NCAM2: variants seen among roughly 807,000 people sequenced by gnomAD.
NCAM2 encodes the protein neural cell adhesion molecule 2.
NCAM2 carries 30 observed loss-of-function variants against 98.1 expected under a neutral mutation model. The ratio of observed to expected loss-of-function variants is 0.31; its 90% CI spans 0.23 to 0.41. The LOEUF is 0.41. Among genes scored for constraint, NCAM2 ranks in the 10% least tolerant of loss-of-function variants. The pLI is 1.00. For synonymous variants in NCAM2, 368 were observed against 342.4 expected (o/e 1.07, Z -0.83); for missense variants, 867 against 1,005.8 (o/e 0.86, Z 1.87).
chr21:21,528,906 A>C (rs1465997321), intron 16 of NCAM2, among the ~76,000 whole-genome samples: 1 of 152,144 alleles, frequency 6.6e-6, no homozygotes, highest in Admixed American at 6.6e-5. Context: ...ATATAACTTC[A>C]AATATTCCAG....
chr21:21,038,554 G>A (rs184488001), intron 1 of NCAM2, among the ~76,000 whole-genome samples: 1 of 152,224 alleles, frequency 6.6e-6, no homozygotes, highest in East Asian at 1.9e-4. Context: ...TTTATAAGAG[G>A]CCTTAATCCC....
chr21:21,267,841 A>C (rs966172995), intron 1 of NCAM2, among the ~76,000 whole-genome samples: 3 of 152,204 alleles, frequency 2.0e-5, no homozygotes, highest in African/African-American at 7.2e-5. Flanking sequence ...TTATGTAAGA[A>C]AGTCCTAAAG....
intron 9 of NCAM2, among the ~76,000 whole-genome samples, chr21:21,408,313 G>T (rs188792028): frequency 2.1e-3 from 321 of 152,284 alleles, no homozygotes; most frequent in African/African-American, 7.0e-3. Context: ...ATAGGCAAAT[G>T]TATCTGTGTA....
chr21:21,168,289 G>T (rs1210058470), intron 1 of NCAM2, among the ~76,000 whole-genome samples: 1 of 151,768 alleles, frequency 6.6e-6, no homozygotes, highest in Non-Finnish European at 1.5e-5. Context: ...ACAATAGAGG[G>T]TAACTTCATC....
At chr21:21,474,421 C>G (rs1324271532) in intron 14 of NCAM2, among the ~76,000 whole-genome samples, 1 of 151,922 alleles carries the variant, frequency 6.6e-6, no homozygotes, top group Non-Finnish European at 1.5e-5. Context: ...GAAGTTTCAC[C>G]TTAAATGTCT....
intron 1 of NCAM2, among the ~76,000 whole-genome samples, chr21:21,166,747 C>G (rs953012110): frequency 6.6e-6 from 1 of 152,118 alleles, no homozygotes; most frequent in Non-Finnish European, 1.5e-5. Flanking sequence ...CACATTGTTA[C>G]GCAGAATGAT....
chr21:21,396,138 C>T (rs1208078225), intron 9 of NCAM2, among the ~76,000 whole-genome samples: 1 of 149,012 alleles, frequency 6.7e-6, no homozygotes, highest in Non-Finnish European at 1.5e-5. Flanking sequence ...TATCAAGAAT[C>T]TACAAGGAAC....
intron 15 of NCAM2, among the ~76,000 whole-genome samples, chr21:21,477,796 A>G (rs1985362534): frequency 6.6e-6 from 1 of 152,150 alleles, no homozygotes. Context: ...CTAAGAAGAC[A>G]ATTTCTCTGC....
chr21:21,113,050 G>A (rs2066485877), intron 1 of NCAM2, among the ~76,000 whole-genome samples: 1 of 152,120 alleles, frequency 6.6e-6, no homozygotes, highest in African/African-American at 2.4e-5. Flanking sequence ...TAGGGGTATT[G>A]TGGTTTTTAG....
intron 5 of NCAM2, among the ~76,000 whole-genome samples, chr21:21,299,680 G>C (rs2073637468): frequency 6.9e-6 from 1 of 145,936 alleles, no homozygotes; most frequent in African/African-American, 2.5e-5. Flanking sequence ...GAACTAGAAA[G>C]CAATTCTAAA....
intron 1 of NCAM2, among the ~76,000 whole-genome samples, chr21:21,050,696 G>T (rs1423098091): frequency 6.6e-6 from 1 of 152,130 alleles, no homozygotes; most frequent in Admixed American, 6.5e-5. Flanking sequence ...ATGTTTTAGT[G>T]TTAGAAGTGT....
At chr21:21,309,924 T>C (rs1239129657) in intron 5 of NCAM2, among the ~76,000 whole-genome samples, 1 of 152,220 alleles carries the variant, frequency 6.6e-6, no homozygotes, top group East Asian at 1.9e-4. Flanking sequence ...TTTTATACAA[T>C]GTTTCTGACA....
chr21:21,212,741 GC>G (rs373927794), intron 1 of NCAM2, among the ~76,000 whole-genome samples: 2,751 of 119,446 alleles, frequency 0.023, 85 homozygotes, highest in African/African-American at 0.079. Context: ...AATTATCTGT[GC>G]TTTTTTTTTT....
At chr21:21,104,915 A>T (rs1191356239) in intron 1 of NCAM2, among the ~76,000 whole-genome samples, 1 of 152,064 alleles carries the variant, frequency 6.6e-6, no homozygotes, top group Non-Finnish European at 1.5e-5. Flanking sequence ...TCATGTTGGG[A>T]GCAGCCCAGT....
intron 1 of NCAM2, among the ~76,000 whole-genome samples, chr21:21,193,688 G>A (rs1478293539): frequency 6.6e-6 from 1 of 151,846 alleles, no homozygotes; most frequent in Middle Eastern, 3.2e-3. Flanking sequence ...AAGAGATGGG[G>A]TTTCACCATG....
intron 10 of NCAM2, among the ~76,000 whole-genome samples, chr21:21,411,903 C>A (rs1229713736): frequency 1.3e-5 from 2 of 150,264 alleles, no homozygotes; most frequent in Non-Finnish European, 1.5e-5. Flanking sequence ...AAATAAGTTT[C>A]TTTGGAAATA....
At chr21:21,034,872 G>T (rs1371144080) in intron 1 of NCAM2, among the ~76,000 whole-genome samples, 6 of 151,992 alleles carry the variant, frequency 3.9e-5, no homozygotes, top group Non-Finnish European at 8.8e-5. Context: ...TAGAAACAGT[G>T]ATTTACCATA....
At chr21:21,055,853 G>A (rs2065199794) in intron 1 of NCAM2, among the ~76,000 whole-genome samples, 1 of 152,040 alleles carries the variant, frequency 6.6e-6, no homozygotes, top group African/African-American at 2.4e-5. Context: ...GAGGAAACAT[G>A]TAAATACAAT....
intron 8 of NCAM2, among the ~76,000 whole-genome samples, chr21:21,373,453 AAG>A (rs2075965321): frequency 6.6e-6 from 1 of 151,926 alleles, no homozygotes; most frequent in South Asian, 2.1e-4. Context: ...CACGTCTGTG[AAG>A]AGTGTTTATT....
Sources: gnomAD v4.1 joint callset for allele counts (sites outside exome capture counted in the v4.1 genomes callset) on GRCh38, gnomAD v4.1.1 for gene constraint, MANE v1.5 for transcripts, NCBI Gene and HGNC (gene_info 2026-07-23, HGNC 2026-07-21) for gene names.